The following HTR4 variants were observed in gnomAD, a reference collection of about 807,000 sequenced individuals.
The protein encoded by HTR4 is 5-hydroxytryptamine (serotonin) receptor 4, G protein-coupled.
A neutral mutation model predicts 36.8 loss-of-function variants in HTR4; 16 were observed. The observed-to-expected ratio is 0.43, with a 90% CI of 0.29 to 0.66. HTR4 has a LOEUF of 0.66. Ranked by LOEUF, HTR4 falls within the 30% of genes least tolerant of loss-of-function variation. The pLI is 0.13. For synonymous variants in HTR4, 189 were observed against 185.1 expected, an observed-to-expected ratio of 1.02 and a Z score of -0.17; for missense variants, 438 against 490.9, an observed-to-expected ratio of 0.89 and a Z score of 1.02.
At chr5:148,517,359 A>C (rs1426776467) in intron 5 of HTR4, among the ~76,000 whole-genome samples, 1 of 151,918 alleles carries the variant, frequency 6.6e-6, no homozygotes. Flanking sequence ...CTAATCTTTG[A>C]GAATGGTCCA....
intron 2 of HTR4, among the ~76,000 whole-genome samples, chr5:148,555,968 A>ACT (rs1218136637): frequency 3.1e-4 from 47 of 151,450 alleles, no homozygotes; most frequent in South Asian, 2.1e-4. Flanking sequence ...ACACACACAC[A>ACT]CACTCTCTCT....
chr5:148,596,769 C>T (rs1554098887), intron 2 of HTR4, among the ~76,000 whole-genome samples: 1 of 152,130 alleles, frequency 6.6e-6, no homozygotes, highest in Non-Finnish European at 1.5e-5. Flanking sequence ...TCTGATTTTT[C>T]CTGCCTCCAT....
chr5:148,569,049 T>C (rs1760566550), intron 2 of HTR4, among the ~76,000 whole-genome samples: 1 of 151,544 alleles, frequency 6.6e-6, no homozygotes, highest in Non-Finnish European at 1.5e-5. Context: ...ACCAGGGAAG[T>C]AGTTGTAGGG....
intron 2 of HTR4, among the ~76,000 whole-genome samples, chr5:148,617,317 T>A (rs1752736085): frequency 6.6e-6 from 1 of 152,336 alleles, no homozygotes; most frequent in Middle Eastern, 3.4e-3. Flanking sequence ...GCCAGGCAGA[T>A]GCTAGTGCCT....
At chr5:148,535,823 G>C (rs960940379) in intron 4 of HTR4, among the ~76,000 whole-genome samples, 2 of 152,090 alleles carry the variant, frequency 1.3e-5, no homozygotes, top group Non-Finnish European at 2.9e-5. Context: ...TTCAGAAAAT[G>C]ATTTATGGAA....
At chr5:148,484,019 C>G (rs1756029324) in intron 6 of HTR4, among the ~76,000 whole-genome samples, 1 of 151,568 alleles carries the variant, frequency 6.6e-6, no homozygotes, top group African/African-American at 2.4e-5. Flanking sequence ...CTCAGTTAAA[C>G]TTTGTTATAT....
At chr5:148,507,853 C>T (rs1487700037) in intron 6 of HTR4, among the ~76,000 whole-genome samples, 3 of 152,188 alleles carry the variant, frequency 2.0e-5, no homozygotes, top group Admixed American at 6.5e-5. Flanking sequence ...ACTTAGGCAA[C>T]TGCTAGATTA....
chr5:148,556,890 A>G (rs1581472952), intron 2 of HTR4, among the ~76,000 whole-genome samples: 1 of 152,214 alleles, frequency 6.6e-6, no homozygotes, highest in African/African-American at 2.4e-5. Flanking sequence ...TGGAGGTGAC[A>G]GTCAACTGAG....
intron 4 of HTR4, among the ~76,000 whole-genome samples, chr5:148,530,278 G>A (rs148417950): frequency 3.3e-5 from 5 of 152,276 alleles, no homozygotes; most frequent in African/African-American, 1.2e-4. Flanking sequence ...AGAGGTCTAC[G>A]TGGCAGCTCC....
At chr5:148,568,920 T>C (rs1203006222) in intron 2 of HTR4, among the ~76,000 whole-genome samples, 2 of 152,072 alleles carry the variant, frequency 1.3e-5, no homozygotes, top group East Asian at 3.9e-4. Flanking sequence ...AATCTATTAG[T>C]GATTAATTAC....
intron 2 of HTR4, among the ~76,000 whole-genome samples, chr5:148,619,762 A>C (rs1435402928): frequency 6.6e-6 from 1 of 152,222 alleles, no homozygotes; most frequent in African/African-American, 2.4e-5. Flanking sequence ...AAGATAAAAA[A>C]ATTTTTAAAA....
At position 148,495,160 on chromosome 5, in the gene HTR4, T is replaced by A. The variant is rs77919869; in HGVS notation, c.1077-11867A>T. ...CTCCAAAGCTAAAGTTTGCATACAATCTCTGCTGTGTTGCCTAATTTATAA... is the reference window on the plus strand; with the variant it reads ...CTCCAAAGCTAAAGTTTGCATACAAACTCTGCTGTGTTGCCTAATTTATAA... On this transcript the variant is annotated intron_variant, in intron 6 of 6. Coordinates refer to ENST00000377888, the MANE Select transcript of HTR4 (RefSeq NM_000870.7). Among the ~76,000 whole-genome samples the A allele has an allele frequency of 6.6e-3, 1,001 of 152,316 alleles. 15 individuals are homozygous for A. The highest frequency in any genetic ancestry group is 0.023 in the African/African-American group (940 of 41,574).
intron 5 of HTR4, among the ~76,000 whole-genome samples, chr5:148,512,351 T>C (rs1757533599): frequency 6.6e-6 from 1 of 152,234 alleles, no homozygotes; most frequent in African/African-American, 2.4e-5. Flanking sequence ...TGAGAACTAA[T>C]AATGTTAATC....
At chr5:148,473,922 A>G (rs1755633363), downstream of HTR4, among the ~76,000 whole-genome samples, 1 of 149,614 alleles carries the variant, frequency 6.7e-6, no homozygotes, top group African/African-American at 2.5e-5. Flanking sequence ...TTAGAGAATA[A>G]ATAGAGAATG....
chr5:148,520,996 A>G (rs1185227659), intron 5 of HTR4: 1 of 1,367,606 alleles, frequency 7.3e-7, no homozygotes, highest in Admixed American at 1.9e-5. Flanking sequence ...CTAAGGGCTA[A>G]GAATGCGGTG....
At chr5:148,619,958 C>A (rs1234344090) in intron 2 of HTR4, among the ~76,000 whole-genome samples, 3 of 152,046 alleles carry the variant, frequency 2.0e-5, no homozygotes, top group Non-Finnish European at 2.9e-5. Flanking sequence ...GTATTTTATG[C>A]TAAAAATACT....
At chr5:148,485,191 G>A (rs1442129164) in intron 6 of HTR4, among the ~76,000 whole-genome samples, 1 of 152,194 alleles carries the variant, frequency 6.6e-6, no homozygotes, top group African/African-American at 2.4e-5. Flanking sequence ...TGCAGCACTG[G>A]TGTGCCAGGC....
intron 2 of HTR4, among the ~76,000 whole-genome samples, chr5:148,559,771 C>T (rs1193913600): frequency 6.6e-6 from 1 of 152,062 alleles, no homozygotes; most frequent in Non-Finnish European, 1.5e-5. Flanking sequence ...GACACTGCTC[C>T]CCAAAGCAAT....
intron 2 of HTR4, among the ~76,000 whole-genome samples, chr5:148,631,847 T>C (rs749633126): frequency 2.0e-5 from 3 of 152,170 alleles, no homozygotes; most frequent in Non-Finnish European, 4.4e-5. Context: ...TTTTAATTAA[T>C]GTTGTTGCAT....
Sources: allele counts gnomAD v4.1 joint callset (sites outside exome capture counted in the v4.1 genomes callset), GRCh38; gene constraint gnomAD v4.1.1; transcripts MANE v1.5; gene names NCBI Gene and HGNC (gene_info 2026-07-23, HGNC 2026-07-21).